SH3RF3: variants seen among roughly 807,000 people sequenced by gnomAD.
The protein encoded by SH3RF3 is SH3 domain containing ring finger 3.
Under a neutral mutation model 66.3 loss-of-function variants are expected in SH3RF3, and 29 were observed. The ratio of observed to expected loss-of-function variants is 0.44; its 90% confidence interval spans 0.33 to 0.60. The LOEUF (loss-of-function observed/expected upper bound fraction) is 0.60. SH3RF3 is among the 20% of genes least tolerant of loss of function. The pLI, the probability that SH3RF3 is intolerant of heterozygous loss-of-function variation, is 0.04. For missense variants in SH3RF3, 1,194 were observed against 1,190.9 expected, an observed-to-expected ratio of 1.00 and a Z score of -0.04; for synonymous variants, 583 against 532.0, an observed-to-expected ratio of 1.10 and a Z score of -1.32.
intron 1 of SH3RF3, among the ~76,000 whole-genome samples, chr2:109,217,893 A>G (rs1283411770): frequency 6.6e-6 from 1 of 152,114 alleles, no homozygotes; most frequent in Non-Finnish European, 1.5e-5. Context: ...GCCTGGCACA[A>G]GGGAGCTGGC....
intron 7 of SH3RF3, among the ~76,000 whole-genome samples, chr2:109,440,624 A>G (rs1677534657): frequency 6.6e-6 from 1 of 152,262 alleles, no homozygotes; most frequent in Non-Finnish European, 1.5e-5. Context: ...TCAAGACACC[A>G]GACAACCAAG....
intron 1 of SH3RF3, among the ~76,000 whole-genome samples, chr2:109,264,800 A>G (rs1680450325): frequency 6.6e-6 from 1 of 152,254 alleles, no homozygotes; most frequent in Non-Finnish European, 1.5e-5. Context: ...GCCATCACCT[A>G]CCGTGCATGC....
Position 109,382,730 on chromosome 2 carries a change from GAT to G in SH3RF3, c.945+11050_945+11051del, listed in dbSNP as rs1675727110. ...GGAAGGCTCCATTCTCCTGGCGAGA[GAT>G]GCAGCCAAGCCCCATCCAGGGCCCG... is the stretch of plus-strand genomic sequence containing the variant. On this transcript the variant is annotated intron_variant, in intron 3 of 9. Coordinates refer to ENST00000309415, the MANE Select transcript of SH3RF3 (RefSeq NM_001099289.3). Among the ~76,000 whole-genome samples, 4 of 152,342 alleles carry G rather than the reference GAT, an allele frequency of 2.6e-5. No homozygotes were observed. In the South Asian group the frequency reaches 8.3e-4, roughly 32 times the overall value.
intron 1 of SH3RF3, among the ~76,000 whole-genome samples, chr2:109,259,194 T>C (rs558014503): frequency 6.6e-6 from 1 of 152,358 alleles, no homozygotes; most frequent in South Asian, 2.1e-4. Flanking sequence ...ATCCATAAAG[T>C]GTAGGCTTCT....
chr2:109,322,785 C>G (rs1296344764), intron 1 of SH3RF3, among the ~76,000 whole-genome samples: 5 of 152,234 alleles, frequency 3.3e-5, no homozygotes, highest in African/African-American at 1.2e-4. Context: ...GAACCCTTCT[C>G]CAACTCAGAA....
At chr2:109,167,529 T>G (rs1054936908) in intron 1 of SH3RF3, among the ~76,000 whole-genome samples, 1 of 152,152 alleles carries the variant, frequency 6.6e-6, no homozygotes, top group African/African-American at 2.4e-5. Context: ...CATCCCCCAT[T>G]GGTATTGTTT....
chr2:109,504,400 G>C lies in SH3RF3; in HGVS notation c.*2729G>C, dbSNP rs1019566879. 4 of 152,214 alleles carry C rather than the reference G, an allele frequency of 2.6e-5. No homozygotes were observed. Among genetic ancestry groups the C allele is most frequent in the South Asian group, 2.1e-4 (1 of 4,830 alleles). 9.4% of individuals were successfully genotyped at this position (152,214 alleles called of 1,614,324 possible). A position where few individuals can be genotyped will look rare whatever the true frequency, so the allele number is the denominator to read the frequency against. On this transcript the variant is annotated 3_prime_UTR_variant, in exon 10 of 10. Transcript: ENST00000309415. ...GGGAGGCAGAGAGGATGGCGGCCAC[G>C]GGTGCTCTCCTGGCATCCTCATGGG...
chr2:109,295,535 G>A (rs1374225923), intron 1 of SH3RF3, among the ~76,000 whole-genome samples: 1 of 152,216 alleles, frequency 6.6e-6, no homozygotes, highest in Non-Finnish European at 1.5e-5. Context: ...TGAAGAAGGG[G>A]GCTTCATGTT....
chr2:109,398,524 G>T, intron 3 of SH3RF3, 66 bp from the exon 4 acceptor site: 1 of 1,376,432 alleles, frequency 7.3e-7, no homozygotes, highest in Non-Finnish European at 9.8e-7. Flanking sequence ...CCTGGAGAGT[G>T]CAGAGGGCTG....
At chr2:109,280,207 G>A (rs1192404853) in intron 1 of SH3RF3, among the ~76,000 whole-genome samples, 1 of 152,170 alleles carries the variant, frequency 6.6e-6, no homozygotes. Flanking sequence ...GTGAATGCCC[G>A]TGGCACACAG....
chr2:109,376,685 C>T (rs1393418110), intron 3 of SH3RF3, among the ~76,000 whole-genome samples: 1 of 152,204 alleles, frequency 6.6e-6, no homozygotes, highest in African/African-American at 2.4e-5. Flanking sequence ...CTTTACTTAT[C>T]CTCAATAGGA....
At chr2:109,421,329 A>T (rs1468148848) in intron 5 of SH3RF3, among the ~76,000 whole-genome samples, 7 of 152,230 alleles carry the variant, frequency 4.6e-5, no homozygotes, top group Admixed American at 2.6e-4. Context: ...GCCTGTACAC[A>T]GGCTCTCAGT....
At chr2:109,193,574 T>C (rs991643143) in intron 1 of SH3RF3, among the ~76,000 whole-genome samples, 10 of 152,226 alleles carry the variant, frequency 6.6e-5, no homozygotes. Flanking sequence ...CCATGTGGTA[T>C]GTGCCATTCA....
rs565670695 is a variant in SH3RF3 at position 109,500,724 on chromosome 2, G to A, written c.2481-779G>A. On this transcript the variant is annotated intron_variant, in intron 9 of 9. Transcript: ENST00000309415. ...AGCACTTGGAGAGCCTGAGGCCAGC[G>A]GATCACTTGCACTCAGGAGTTCAAG... Among the ~76,000 whole-genome samples the A allele has an allele frequency of 1.2e-4, 18 of 152,232 alleles. No individual in the cohort carries two copies. The East Asian group carries it at 1.4e-3, about 11-fold the overall frequency.
intron 1 of SH3RF3, among the ~76,000 whole-genome samples, chr2:109,266,228 G>A (rs1340518172): frequency 6.6e-6 from 1 of 151,414 alleles, no homozygotes; most frequent in Non-Finnish European, 1.5e-5. Context: ...GTGTGTATGT[G>A]TATTCAGTGT....
intron 8 of SH3RF3, among the ~76,000 whole-genome samples, chr2:109,471,017 C>T (rs979761055): frequency 2.0e-5 from 3 of 151,934 alleles, no homozygotes; most frequent in African/African-American, 2.4e-5. Context: ...GTCAGGAGTT[C>T]GAGACCAGCC....
intron 1 of SH3RF3, among the ~76,000 whole-genome samples, chr2:109,303,880 T>C (rs942922095): frequency 1.3e-5 from 2 of 152,190 alleles, no homozygotes; most frequent in Admixed American, 6.5e-5. Flanking sequence ...TCCTTTGTTA[T>C]TAACATTGTT....
At chr2:109,399,434 C>T (rs1676244030) in intron 4 of SH3RF3, among the ~76,000 whole-genome samples, 1 of 145,848 alleles carries the variant, frequency 6.9e-6, no homozygotes, top group African/African-American at 2.6e-5. Flanking sequence ...TATTTCTAGA[C>T]TCCATTTCCA....
chr2:109,413,238 C>A (rs920519284), intron 4 of SH3RF3, among the ~76,000 whole-genome samples: 1 of 152,204 alleles, frequency 6.6e-6, no homozygotes, highest in Non-Finnish European at 1.5e-5. Context: ...CCTGAGCCTC[C>A]CAAGTAACTG....
Sources: gnomAD v4.1 joint callset for allele counts (sites outside exome capture counted in the v4.1 genomes callset) on GRCh38, gnomAD v4.1.1 for gene constraint, MANE v1.5 for transcripts, NCBI Gene and HGNC (gene_info 2026-07-23, HGNC 2026-07-21) for gene names.